The following GTF2H4 variants were observed in gnomAD, a reference collection of about 807,000 sequenced individuals.
GTF2H4 encodes the protein general transcription factor IIH subunit 4.
In GTF2H4, 49 loss-of-function variants were observed where a neutral mutation model predicts 62.2. That is an observed-to-expected ratio of 0.79 (90% CI 0.63 to 1.00). The LOEUF (loss-of-function observed/expected upper bound fraction) is 1.00. Among genes scored for constraint, GTF2H4 ranks in the 50% least tolerant of loss-of-function variants. The probability of loss-of-function intolerance (pLI) is 0.00; values close to 1 mark genes in which losing one functional copy is unlikely to be tolerated. For missense variants in GTF2H4, 479 were observed against 587.8 expected (o/e 0.81, Z 1.91); for synonymous variants, 189 against 233.8 (o/e 0.81, Z 1.75).
In GTF2H4 at chr6:30,912,818, G is replaced by A. The variant is rs1025415067; in HGVS notation, c.1090-292G>A. 3.9e-5 allele frequency among the ~76,000 whole-genome samples: 6 copies of A among 152,136 alleles called. No homozygotes were observed. The highest frequency in any genetic ancestry group is 3.2e-3 in the Middle Eastern group (1 of 316). ...TGGAAGAATAGGGGCAAAGCATTGA[G>A]CTCAGCACCTGTCATGCAATAAATG... On this transcript the variant is annotated intron_variant, in intron 11 of 13. Coordinates refer to ENST00000259895, the MANE Select transcript of GTF2H4 (RefSeq NM_001517.5). The surrounding 1 kb of genome is among the most constrained non-coding windows in gnomAD (Gnocchi z 4.8).
Position 30,911,606 on chromosome 6 carries a change from G to A in GTF2H4, c.742-78G>A. On this transcript the variant is annotated intron_variant, in intron 8 of 13. Coordinates refer to ENST00000259895, the MANE Select transcript of GTF2H4 (RefSeq NM_001517.5). The surrounding 1 kb of genome is among the most constrained non-coding windows in gnomAD (Gnocchi z 4.3). ...TGAAAACAGAACGAACAGAGATGGA[G>A]AAAGAAAGAATGAATGTATGGGGTT... The A allele has an allele frequency of 2.4e-6, 2 of 821,044 alleles. No individual in the cohort carries two copies. The highest frequency in any genetic ancestry group is 3.8e-6 in the Non-Finnish European group (2 of 532,316). 50.9% of individuals were successfully genotyped at this position (821,044 alleles called of 1,614,324 possible).
At position 30,908,275 on chromosome 6, in the gene GTF2H4, T is replaced by G. The variant is rs1793613770; in HGVS notation, c.-132T>G. On this transcript the variant is annotated 5_prime_UTR_variant, in exon 1 of 14. Coordinates refer to ENST00000259895, the MANE Select transcript of GTF2H4 (RefSeq NM_001517.5). ...GGCTCTTGCCTGTGAAATCTTTCTT[T>G]GCTTTCCCCATCTTTTCCTCGCATT... The G allele has an allele frequency of 6.5e-6, 1 of 153,394 alleles. No homozygotes were observed. Among genetic ancestry groups the G allele is most frequent in the African/African-American group, 2.4e-5 (1 of 41,464 alleles). 9.5% of individuals were successfully genotyped at this position (153,394 alleles called of 1,614,324 possible).
At position 30,912,982 on chromosome 6, in the gene GTF2H4, G is replaced by A. The variant is rs954165532; in HGVS notation, c.1090-128G>A. 1.8e-5 allele frequency: 15 copies of A among 842,986 alleles called. No individual in the cohort carries two copies. Among genetic ancestry groups the A allele is most frequent in the Non-Finnish European group, 2.6e-5 (14 of 530,156 alleles). 52.2% of individuals were successfully genotyped at this position (842,986 alleles called of 1,614,324 possible). A position where few individuals can be genotyped will look rare whatever the true frequency, so the allele number is the denominator to read the frequency against. ...TGGGATAACAGCTGAACTGGGATGG[G>A]TGGAGTTGATGACAGGAGTTATGAG... On this transcript the variant is annotated intron_variant, in intron 11 of 13. Transcript: ENST00000259895. The surrounding 1 kb of genome is among the most constrained non-coding windows in gnomAD (Gnocchi z 4.8).
In GTF2H4 at chr6:30,911,008, C is replaced by A; in HGVS notation, c.560+67C>A. 1 of 1,394,142 alleles carries A rather than the reference C, an allele frequency of 7.2e-7. No individual in the cohort carries two copies. The allele number at this position is 1,394,142 out of a possible 1,614,324, so 86.4% of individuals were successfully genotyped here. On this transcript the variant is annotated intron_variant, in intron 6 of 13. Transcript: ENST00000259895. The surrounding 1 kb of genome is among the most constrained non-coding windows in gnomAD (Gnocchi z 4.3). ...TCCTTGGGTCCCTAAGAAATGGTAT[C>A]TGGGGCTAGTCAAGATCAGAGGACA...
At position 30,911,497 on chromosome 6, in the gene GTF2H4, A is replaced by G. The variant is rs1396144202; in HGVS notation, c.739A>G (p.Lys247Glu). ...CCAGCTCAGCTTCTCTACTCTGGGC[A>G]AGGTAAGCAGGGGGCTGAAAGGTAT... ...LFQLSFSTLG[K>E]DYSVEGMSDS... Residue 247 changes from lysine to glutamate, a missense_variant and splice_region_variant, in exon 8 of 14, where the codon AAG becomes GAG. By Grantham distance (56) the Lys-to-Glu change is moderately conservative. Coordinates refer to ENST00000259895, the MANE Select transcript of GTF2H4 (RefSeq NM_001517.5). This position sits in a 1 kb window ranked among gnomAD's most constrained non-coding sequence, Gnocchi z 4.3. 10 of 1,613,638 alleles carry G rather than the reference A, an allele frequency of 6.2e-6. No homozygotes were observed. The highest frequency in any genetic ancestry group is 8.5e-7 in the Non-Finnish European group (1 of 1,179,632).
chr6:30,908,369 G>A lies in GTF2H4; in HGVS notation c.-38G>A, dbSNP rs1793619821. The A allele has an allele frequency of 6.5e-6, 1 of 154,884 alleles. No individual in the cohort carries two copies. The highest frequency in any genetic ancestry group is 1.5e-5 in the Non-Finnish European group (1 of 68,654). The allele number at this position is 154,884 out of a possible 1,614,324, so 9.6% of individuals were successfully genotyped here. A position where few individuals can be genotyped will look rare whatever the true frequency, so the allele number is the denominator to read the frequency against. On this transcript the variant is annotated 5_prime_UTR_variant, in exon 1 of 14. Transcript: ENST00000259895. ...TTTGGCTCCGATTAAGCGACGGCCC[G>A]AGACTCGGGGTGCGCGAGGAGGATC...
rs1394586706 is a variant in GTF2H4 at position 30,910,993 on chromosome 6, C to G, written c.560+52C>G. 6.9e-7 allele frequency: 1 copy of G among 1,456,874 alleles called. No individual in the cohort carries two copies. The highest frequency in any genetic ancestry group is 9.5e-7 in the Non-Finnish European group (1 of 1,056,510). The allele number at this position is 1,456,874 out of a possible 1,614,324, so 90.2% of individuals were successfully genotyped here. A position where few individuals can be genotyped will look rare whatever the true frequency, so the allele number is the denominator to read the frequency against. On this transcript the variant is annotated intron_variant, in intron 6 of 13. Transcript: ENST00000259895. The surrounding 1 kb of genome is among the most constrained non-coding windows in gnomAD (Gnocchi z 4.7). The stretch of plus-strand genomic sequence containing the variant: ...CTCTGCTGTGCCATCTCCTTGGGTC[C>G]CTAAGAAATGGTATCTGGGGCTAGT...
At position 30,912,256 on chromosome 6, in the gene GTF2H4, A is replaced by G; in HGVS notation, c.959-72A>G. 7 of 1,602,176 alleles carry G rather than the reference A, an allele frequency of 4.4e-6. No individual in the cohort carries two copies. The Admixed American group carries it at 8.4e-5, about 19-fold the overall frequency. On this transcript the variant is annotated intron_variant, in intron 10 of 13. Transcript: ENST00000259895. The surrounding 1 kb of genome is among the most constrained non-coding windows in gnomAD (Gnocchi z 4.8). Reference sequence around the variant, plus strand: ...AGAGCTCTCTGACATTTCTCATGACACTTGAAAGAAGGGCTTGAGGGAGTC... The same window carrying G: ...AGAGCTCTCTGACATTTCTCATGACGCTTGAAAGAAGGGCTTGAGGGAGTC...
rs1345053188 is a variant in GTF2H4, at chr6:30,912,528, T to C, written c.1089+70T>C. ...TGGGCTGCGGGGGACAGGGGTCACA[T>C]TATGGAAGGCTAGCTCTGAGTCTGT... On this transcript the variant is annotated intron_variant, in intron 11 of 13. Coordinates refer to ENST00000259895, the MANE Select transcript of GTF2H4 (RefSeq NM_001517.5). This position sits in a 1 kb window ranked among gnomAD's most constrained non-coding sequence, Gnocchi z 4.8. 2 of 1,579,584 alleles carry C rather than the reference T, an allele frequency of 1.3e-6. No homozygotes were observed. The highest frequency in any genetic ancestry group is 1.7e-6 in the Non-Finnish European group (2 of 1,157,316).
chr6:30,913,046 C>CA lies in GTF2H4; in HGVS notation c.1090-63dup. 4.6e-6 allele frequency: 7 copies of CA among 1,517,524 alleles called. No individual in the cohort carries two copies. The highest frequency in any genetic ancestry group is 2.3e-5 in the South Asian group (2 of 88,104). 94.0% of individuals were successfully genotyped at this position (1,517,524 alleles called of 1,614,324 possible). ...CTGATGTTCCAGTGACATTAGGTGA[C>CA]AGCTCAGATGGCTTTCCTGCCTTCT... On this transcript the variant is annotated intron_variant, in intron 11 of 13. Transcript: ENST00000259895. The surrounding 1 kb of genome is among the most constrained non-coding windows in gnomAD (Gnocchi z 4.2).
In GTF2H4 at chr6:30,912,264, G is replaced by A; in HGVS notation, c.959-64G>A. Reference sequence around the variant, plus strand: ...CTGACATTTCTCATGACACTTGAAAGAAGGGCTTGAGGGAGTCTGGGTGTG... The same window carrying A: ...CTGACATTTCTCATGACACTTGAAAAAAGGGCTTGAGGGAGTCTGGGTGTG... On this transcript the variant is annotated intron_variant, in intron 10 of 13. Transcript: ENST00000259895. This position sits in a 1 kb window ranked among gnomAD's most constrained non-coding sequence, Gnocchi z 4.8. The A allele has an allele frequency of 6.2e-7, 1 of 1,603,962 alleles. No individual in the cohort carries two copies. The highest frequency in any genetic ancestry group is 8.5e-7 in the Non-Finnish European group (1 of 1,174,222).
Position 30,912,276 on chromosome 6 carries a change from G to A in GTF2H4, c.959-52G>A, listed in dbSNP as rs1793797350. 4 of 1,608,674 alleles carry A rather than the reference G, an allele frequency of 2.5e-6. No homozygotes were observed. Reference sequence around the variant, plus strand: ...ATGACACTTGAAAGAAGGGCTTGAGGGAGTCTGGGTGTGGGGGTGGCCTCC... The same window carrying A: ...ATGACACTTGAAAGAAGGGCTTGAGAGAGTCTGGGTGTGGGGGTGGCCTCC... On this transcript the variant is annotated intron_variant, in intron 10 of 13. Transcript: ENST00000259895. The surrounding 1 kb of genome is among the most constrained non-coding windows in gnomAD (Gnocchi z 4.8).
Position 30,909,639 on chromosome 6 carries a change from TTAAAAA to T in GTF2H4, c.242+105_242+110del, listed in dbSNP as rs1235007886. ...AGTGTTAATAGATATATCACAAAAC[TTAAAAA>T]TAAATACATTTGGGAAACTCTGCAT... is the stretch of plus-strand genomic sequence containing the variant. On this transcript the variant is annotated intron_variant, in intron 3 of 13. Transcript: ENST00000259895. The surrounding 1 kb of genome is among the most constrained non-coding windows in gnomAD (Gnocchi z 4.3). 6.8e-6 allele frequency: 5 copies of T among 730,708 alleles called. No homozygotes were observed. Among genetic ancestry groups the T allele is most frequent in the Non-Finnish European group, 1.2e-5 (5 of 429,306 alleles). 45.3% of individuals were successfully genotyped at this position (730,708 alleles called of 1,614,324 possible).
At position 30,913,466 on chromosome 6, in the gene GTF2H4, C is replaced by T; in HGVS notation, c.1216+79C>T. On this transcript the variant is annotated intron_variant, in intron 13 of 13. Coordinates refer to ENST00000259895, the MANE Select transcript of GTF2H4 (RefSeq NM_001517.5). This position sits in a 1 kb window ranked among gnomAD's most constrained non-coding sequence, Gnocchi z 4.2. ...AGTTCAGTCTGCATTTTATTTTTTA[C>T]TTCATGGACTAGGAGAGAAAAGCTG... 1 of 1,481,974 alleles carries T rather than the reference C, an allele frequency of 6.7e-7. No individual in the cohort carries two copies. The highest frequency in any genetic ancestry group is 1.2e-5 in the South Asian group (1 of 81,594). 91.8% of individuals were successfully genotyped at this position (1,481,974 alleles called of 1,614,324 possible). A position where few individuals can be genotyped will look rare whatever the true frequency, so the allele number is the denominator to read the frequency against.
At position 30,912,211 on chromosome 6, in the gene GTF2H4, G is replaced by T; in HGVS notation, c.958+65G>T. 1 of 1,603,234 alleles carries T rather than the reference G, an allele frequency of 6.2e-7. No homozygotes were observed. The highest frequency in any genetic ancestry group is 1.1e-5 in the South Asian group (1 of 90,022). ...GGTGAGGGAATGCCAGTTTATGTTC[G>T]TGTTTACCTGGCAGTCTACAGAGCT... is the stretch of plus-strand genomic sequence containing the variant. On this transcript the variant is annotated intron_variant, in intron 10 of 13. Transcript: ENST00000259895. This position sits in a 1 kb window ranked among gnomAD's most constrained non-coding sequence, Gnocchi z 4.8.
At chr6:30,908,946 G>T in intron 1 of GTF2H4, 88 bp from the exon 2 acceptor site, 1 of 1,434,836 alleles carries the variant, frequency 7.0e-7, no homozygotes, top group South Asian at 1.1e-5. Context: ...TTATTGTGGG[G>T]ACTGATGGAT....
rs770408294 is a variant in GTF2H4, at chr6:30,911,192, G to T, written c.595G>T (p.Ala199Ser). 2.5e-6 allele frequency: 4 copies of T among 1,613,584 alleles called. No individual in the cohort carries two copies. Among genetic ancestry groups the T allele is most frequent in the Non-Finnish European group, 3.4e-6 (4 of 1,179,968 alleles). Residue 199 changes from alanine to serine, a missense_variant, in exon 7 of 14, where the codon GCT becomes TCT. Physicochemically the swap from Ala to Ser is moderately conservative, Grantham distance 99 (BLOSUM62 1). Transcript: ENST00000259895. This position sits in a 1 kb window ranked among gnomAD's most constrained non-coding sequence, Gnocchi z 4.3. ...EPGEPPCITS[A>S]GFQFLLLDTP... ...TGGAGAGCCGCCCTGCATTACTTCCGCTGGCTTCCAGTTCCTGTTGCTGGA... is the reference window on the plus strand; with the variant it reads ...TGGAGAGCCGCCCTGCATTACTTCCTCTGGCTTCCAGTTCCTGTTGCTGGA...
chr6:30,912,014 A>G lies in GTF2H4; in HGVS notation c.826A>G (p.Arg276Gly). ...GCATCTGCCTTTCTATTCTTTTCAG[A>G]GGAAATCTCGGCGTTACTACCCCAC... is the stretch of plus-strand genomic sequence containing the variant. Reference protein sequence around the residue: ...REFGLVFQRKRKSRRYYPTRL... With the variant: ...REFGLVFQRKGKSRRYYPTRL... Residue 276 changes from arginine to glycine, a missense_variant and splice_region_variant, in exon 10 of 14, where the codon AGG (arginine) becomes GGG (glycine). Coordinates refer to ENST00000259895, the MANE Select transcript of GTF2H4 (RefSeq NM_001517.5). The surrounding 1 kb of genome is among the most constrained non-coding windows in gnomAD (Gnocchi z 4.8). 3 of 1,612,740 alleles carry G rather than the reference A, an allele frequency of 1.9e-6. No individual in the cohort carries two copies. The highest frequency in any genetic ancestry group is 2.5e-6 in the Non-Finnish European group (3 of 1,179,942).
Position 30,911,239 on chromosome 6 carries a change from C to G in GTF2H4, c.642C>G (p.Tyr214Ter), listed in dbSNP as rs1181752559. The G allele has an allele frequency of 1.2e-6, 2 of 1,613,496 alleles. No individual in the cohort carries two copies. Among genetic ancestry groups the G allele is most frequent in the Non-Finnish European group, 1.7e-6 (2 of 1,179,990 alleles). ...TGGACACCCCGGCTCAGCTCTGGTA[C>G]TTTATGTTGCAGTATTTGCAGACAG... ...LLLDTPAQLW[Y>*]FMLQYLQTAQ... is the part of the protein sequence containing the mutation. The change falls in exon 7 of 14, where the codon TAC becomes TAG. Residue 214 changes from tyrosine to a stop codon, truncating the protein, a stop_gained. Coordinates refer to ENST00000259895, the MANE Select transcript of GTF2H4 (RefSeq NM_001517.5). LOFTEE classifies it high-confidence loss of function. This position sits in a 1 kb window ranked among gnomAD's most constrained non-coding sequence, Gnocchi z 4.3.
Sources: allele counts gnomAD v4.1 joint callset (sites outside exome capture counted in the v4.1 genomes callset), GRCh38; gene constraint gnomAD v4.1.1; non-coding constraint Gnocchi (gnomAD v3.1); transcripts MANE v1.5; gene names NCBI Gene and HGNC (gene_info 2026-07-23, HGNC 2026-07-21).